IGFL2: variants seen among roughly 807,000 people sequenced by gnomAD.
IGFL2 encodes the protein insulin growth factor-like family member 2.
In IGFL2, 7 loss-of-function variants were observed where a neutral mutation model predicts 13.9. The observed-to-expected ratio is 0.51, with a 90% CI of 0.29 to 0.95. The LOEUF is 0.95. Among genes scored for constraint, IGFL2 ranks in the 40% least tolerant of loss-of-function variants. The probability of loss-of-function intolerance (pLI) is 0.08; values close to 1 mark genes in which losing one functional copy is unlikely to be tolerated. For synonymous variants in IGFL2, 55 were observed against 55.8 expected (o/e 0.99, Z 0.07); for missense variants, 138 against 147.8 (o/e 0.93, Z 0.34).
At chr19:46,126,896 C>T in the IGFL2 span, among the ~76,000 whole-genome samples, 3 of 152,066 alleles carry the variant, frequency 2.0e-5, no homozygotes, top group African/African-American at 4.8e-5. Context: ...ATTGATGATA[C>T]GATGCATCAC....
At chr19:46,194,853 T>TATATATATATA in the IGFL2 span, among the ~76,000 whole-genome samples, 1 of 14,122 alleles carries the variant, frequency 7.1e-5, no homozygotes, top group African/African-American at 1.9e-4. Flanking sequence ...TATATATATA[T>TATATATATATA]TTTTTTTTTT....
the IGFL2 span, chr19:46,123,987 A>G: frequency 6.2e-7 from 1 of 1,611,590 alleles, no homozygotes; most frequent in Non-Finnish European, 8.5e-7. Flanking sequence ...AAGACTCGGG[A>G]CAGCAGAGCT....
At chr19:46,122,260 A>G in the IGFL2 span, among the ~76,000 whole-genome samples, 1 of 151,070 alleles carries the variant, frequency 6.6e-6, no homozygotes. Context: ...TGCACAAAAC[A>G]TCTTTAGCCA....
chr19:46,182,017 G>C, the IGFL2 span, among the ~76,000 whole-genome samples: 2 of 152,034 alleles, frequency 1.3e-5, no homozygotes, highest in Non-Finnish European at 2.9e-5. Flanking sequence ...CTGAACTTTT[G>C]TGTGCATAAA....
At chr19:46,083,729 G>C in the IGFL2 span, among the ~76,000 whole-genome samples, 1 of 152,174 alleles carries the variant, frequency 6.6e-6, no homozygotes, top group Non-Finnish European at 1.5e-5. Context: ...GGAGAGAAAG[G>C]GAAGGACCTT....
the IGFL2 span, among the ~76,000 whole-genome samples, chr19:46,201,522 T>G: frequency 6.6e-6 from 1 of 152,244 alleles, no homozygotes; most frequent in Non-Finnish European, 1.5e-5. Context: ...CCCAAGCCTT[T>G]ACGCGTCCCC....
At chr19:46,200,154 A>AT in the IGFL2 span, among the ~76,000 whole-genome samples, 4 of 146,116 alleles carry the variant, frequency 2.7e-5, no homozygotes, top group East Asian at 2.1e-4. Flanking sequence ...ACCTGCCCTA[A>AT]TTTTTTTTAA....
chr19:46,180,771 G>T, the IGFL2 span: 1 of 152,236 alleles, frequency 6.6e-6, no homozygotes, highest in East Asian at 1.9e-4. Flanking sequence ...AACCACTGGT[G>T]TAAGTCCAAG....
the IGFL2 span, among the ~76,000 whole-genome samples, chr19:46,192,450 C>T: frequency 6.8e-6 from 1 of 147,964 alleles, no homozygotes; most frequent in Non-Finnish European, 1.5e-5. Context: ...AATGGAGTCT[C>T]GCTCTGTCAC....
the IGFL2 span, among the ~76,000 whole-genome samples, chr19:46,183,072 C>G: frequency 1.2e-4 from 18 of 152,290 alleles, no homozygotes; most frequent in African/African-American, 4.1e-4. Flanking sequence ...CTCACAGTTC[C>G]ATGTGGCTGG....
chr19:46,118,750 C>T, the IGFL2 span, among the ~76,000 whole-genome samples: 2 of 152,184 alleles, frequency 1.3e-5, no homozygotes, highest in African/African-American at 4.8e-5. Flanking sequence ...GTTACTGCCT[C>T]CCTGCTGAAG....
the IGFL2 span, among the ~76,000 whole-genome samples, chr19:46,102,098 C>T: frequency 0.013 from 2,021 of 152,270 alleles, 31 homozygotes; most frequent in Middle Eastern, 0.027. Flanking sequence ...TAAATTTTCC[C>T]TGTGTCTTTA....
At chr19:46,158,357 C>T (rs2146876629) in intron 1 of IGFL2, among the ~76,000 whole-genome samples, 1 of 152,158 alleles carries the variant, frequency 6.6e-6, no homozygotes, top group East Asian at 1.9e-4. Flanking sequence ...TACAGGTGCG[C>T]ACTACCATGC....
chr19:46,143,664 A>G (rs1259277735), upstream of IGFL2, among the ~76,000 whole-genome samples: 1 of 152,190 alleles, frequency 6.6e-6, no homozygotes, highest in African/African-American at 2.4e-5. Flanking sequence ...AGTCAACTGT[A>G]TTATCAGATG....
chr19:46,167,241 A>G, the IGFL2 span, among the ~76,000 whole-genome samples: 1 of 152,158 alleles, frequency 6.6e-6, no homozygotes, highest in Non-Finnish European at 1.5e-5. Flanking sequence ...CGCAACAGGT[A>G]CCCTTTGGGC....
intron 1 of IGFL2, among the ~76,000 whole-genome samples, chr19:46,156,303 G>A (rs1973821159): frequency 6.6e-6 from 1 of 152,108 alleles, no homozygotes; most frequent in Non-Finnish European, 1.5e-5. Flanking sequence ...GTATCTTTCA[G>A]CAGAGTTTTG....
chr19:46,089,650 AG>A, the IGFL2 span, among the ~76,000 whole-genome samples: 1 of 150,346 alleles, frequency 6.7e-6, no homozygotes, highest in Non-Finnish European at 1.5e-5. Context: ...TCTTGGTGGT[AG>A]GTTTTTTTTT....
the IGFL2 span, among the ~76,000 whole-genome samples, chr19:46,095,072 A>G: frequency 3.3e-5 from 5 of 152,106 alleles, no homozygotes; most frequent in African/African-American, 1.2e-4. Context: ...GTCAAATGGT[A>G]TTTCTGGTTC....
At chr19:46,137,625 C>G in the IGFL2 span, 1 of 866,126 alleles carries the variant, frequency 1.2e-6, no homozygotes. Context: ...TGCAGAGGAG[C>G]AGGACCCTGC....
Sources: allele counts gnomAD v4.1 joint callset (sites outside exome capture counted in the v4.1 genomes callset), GRCh38; gene constraint gnomAD v4.1.1; transcripts MANE v1.5; gene names NCBI Gene and HGNC (gene_info 2026-07-23, HGNC 2026-07-21).